RGL1: variants seen among roughly 807,000 people sequenced by gnomAD.
RGL1 encodes the protein ral guanine nucleotide dissociation stimulator like 1, also known as ral guanine nucleotide dissociation stimulator-like 1.
A neutral mutation model predicts 95.2 loss-of-function variants in RGL1; 24 were observed. That is an observed-to-expected ratio of 0.25 (90% CI 0.18 to 0.35). The LOEUF (loss-of-function observed/expected upper bound fraction) is 0.35, where lower values mean the gene tolerates loss of function less well. Among genes scored for constraint, RGL1 ranks in the 10% least tolerant of loss-of-function variants. The probability of loss-of-function intolerance (pLI) is 1.00; values close to 1 mark genes in which losing one functional copy is unlikely to be tolerated. For synonymous variants in RGL1, 329 were observed against 344.9 expected, an observed-to-expected ratio of 0.95 and a Z score of 0.51; for missense variants, 715 against 936.3, an observed-to-expected ratio of 0.76 and a Z score of 3.08.
At chr1:183,640,626 A>G (rs1161040230) in intron 1 of RGL1, among the ~76,000 whole-genome samples, 1 of 152,206 alleles carries the variant, frequency 6.6e-6, no homozygotes, top group Non-Finnish European at 1.5e-5. Context: ...AATGAAAGCT[A>G]TGGACTTTAA....
Position 183,847,669 on chromosome 1 carries a change from T to A in RGL1, c.242T>A (p.Leu81Gln). 1 of 1,614,152 alleles carries A rather than the reference T, an allele frequency of 6.2e-7. No homozygotes were observed. The highest frequency in any genetic ancestry group is 8.5e-7 in the Non-Finnish European group (1 of 1,179,972). Residue 81 changes from leucine to glutamine, a missense_variant, in exon 3 of 18, where the codon CTG (leucine) becomes CAG (glutamine). By Grantham distance (113) the Leu-to-Gln change is moderately radical. Transcript: ENST00000360851. The stretch of plus-strand genomic sequence containing the variant: ...ACCTTGGAGAAGCTTGTGGAGAACC[T>A]GCTGACAGCTTTTGGGGACAATGAC... ...AGTLEKLVEN[L>Q]LTAFGDNDFT...
chr1:183,765,415 C>T (rs756319818), intron 2 of RGL1, among the ~76,000 whole-genome samples: 3 of 152,094 alleles, frequency 2.0e-5, no homozygotes, highest in Non-Finnish European at 2.9e-5. Flanking sequence ...TGCCTCATTT[C>T]TGTATACTCA....
At chr1:183,760,123 C>T (rs968002922) in intron 2 of RGL1, among the ~76,000 whole-genome samples, 10 of 152,072 alleles carry the variant, frequency 6.6e-5, no homozygotes, top group Non-Finnish European at 1.3e-4. Flanking sequence ...ATACTGTAGG[C>T]TATTAAGTGT....
chr1:183,792,007 T>C (rs1660462378), intron 2 of RGL1, among the ~76,000 whole-genome samples: 3 of 152,170 alleles, frequency 2.0e-5, no homozygotes, highest in Admixed American at 2.0e-4. Context: ...TTTTTAATCT[T>C]TATCTCTCCT....
At chr1:183,652,132 G>A (rs1572225681) in intron 1 of RGL1, among the ~76,000 whole-genome samples, 1 of 152,310 alleles carries the variant, frequency 6.6e-6, no homozygotes, top group East Asian at 1.9e-4. Context: ...AAGGTGATGT[G>A]TATGTGGAGT....
chr1:183,817,765 G>T (rs932996536), intron 2 of RGL1, among the ~76,000 whole-genome samples: 1 of 152,190 alleles, frequency 6.6e-6, no homozygotes, highest in Non-Finnish European at 1.5e-5. Flanking sequence ...ACTGTGTGTG[G>T]TGGTAGAGGA....
chr1:183,775,749 C>T (rs1338020813), intron 2 of RGL1, among the ~76,000 whole-genome samples: 1 of 152,138 alleles, frequency 6.6e-6, no homozygotes, highest in Non-Finnish European at 1.5e-5. Flanking sequence ...TGGCATATAG[C>T]AAGGACTTGA....
At chr1:183,678,196 T>A (rs536263586) in intron 1 of RGL1, among the ~76,000 whole-genome samples, 1 of 152,296 alleles carries the variant, frequency 6.6e-6, no homozygotes, top group East Asian at 1.9e-4. Context: ...AAAGAATATG[T>A]GCACCTGTGT....
chr1:183,809,652 G>T (rs966821493), intron 2 of RGL1, among the ~76,000 whole-genome samples: 7 of 152,150 alleles, frequency 4.6e-5, no homozygotes, highest in African/African-American at 1.7e-4. Flanking sequence ...AGACATTAAA[G>T]AGCAATTCCG....
At chr1:183,818,770 A>G (rs1662256085) in intron 2 of RGL1, among the ~76,000 whole-genome samples, 1 of 152,114 alleles carries the variant, frequency 6.6e-6, no homozygotes, top group Non-Finnish European at 1.5e-5. Flanking sequence ...ATCTTTAGTG[A>G]CTTTTTTTTG....
chr1:183,777,625 G>A (rs1002443006), intron 2 of RGL1, among the ~76,000 whole-genome samples: 3 of 152,208 alleles, frequency 2.0e-5, no homozygotes, highest in African/African-American at 7.2e-5. Flanking sequence ...GGAGCTCATA[G>A]GAAAACTGAT....
intron 2 of RGL1, among the ~76,000 whole-genome samples, chr1:183,791,252 ATAT>A (rs1261224157): frequency 2.6e-5 from 4 of 152,298 alleles, no homozygotes; most frequent in South Asian, 2.1e-4. Context: ...AACATATGAG[ATAT>A]TATCTGATTT....
At chr1:183,815,828 G>A (rs1662047192) in intron 2 of RGL1, among the ~76,000 whole-genome samples, 1 of 152,152 alleles carries the variant, frequency 6.6e-6, no homozygotes, top group South Asian at 2.1e-4. Flanking sequence ...TCAACTCACT[G>A]AGTGGTGGGG....
chr1:183,915,866 T>G (rs913889988), intron 15 of RGL1, among the ~76,000 whole-genome samples: 1 of 152,214 alleles, frequency 6.6e-6, no homozygotes. Context: ...TGCTGTCAAC[T>G]AGCTGTGTGG....
In RGL1 at chr1:183,643,760, A is replaced by T. The variant is rs1049121864; in HGVS notation, c.-33+7259A>T. On this transcript the variant is annotated intron_variant, in intron 1 of 18. Coordinates refer to the RGL1 transcript ENST00000304685. ...ACCACCGTGCTTGGCCAAGATCTTG[A>T]TTTTATACCCAGAAGTGGAATTGCC... 3.9e-5 allele frequency among the ~76,000 whole-genome samples: 6 copies of T among 152,210 alleles called. No homozygotes were observed. In the East Asian group the frequency reaches 9.7e-4, roughly 24 times the overall value.
Position 183,654,876 on chromosome 1 carries a change from T to A in RGL1, c.-33+18375T>A, listed in dbSNP as rs1337359440. The stretch of plus-strand genomic sequence containing the variant: ...TTAGATGTAGGAAGACTCCAAGGAA[T>A]GTTAAGTTGGCAACATTCCATTTAG... On this transcript the variant is annotated intron_variant, in intron 1 of 18. Coordinates refer to the RGL1 transcript ENST00000304685. Among the ~76,000 whole-genome samples, 34 of 152,246 alleles carry A rather than the reference T, an allele frequency of 2.2e-4. 1 individual carries two copies. The highest frequency in any genetic ancestry group is 2.2e-3 in the Admixed American group (33 of 15,288).
At chr1:183,844,114 C>T (rs1217848222) in intron 2 of RGL1, among the ~76,000 whole-genome samples, 2 of 152,212 alleles carry the variant, frequency 1.3e-5, no homozygotes, top group African/African-American at 4.8e-5. Context: ...GCGTGAGCCA[C>T]CGCTCCCATC....
intron 12 of RGL1, among the ~76,000 whole-genome samples, chr1:183,904,557 C>T (rs957386284): frequency 2.6e-5 from 4 of 152,042 alleles, no homozygotes; most frequent in East Asian, 1.9e-4. Flanking sequence ...TGTAACTTAA[C>T]GTAGTGACTA....
At chr1:183,680,701 C>A (rs1653154289) in intron 1 of RGL1, among the ~76,000 whole-genome samples, 1 of 152,018 alleles carries the variant, frequency 6.6e-6, no homozygotes, top group African/African-American at 2.4e-5. Flanking sequence ...TAGTTTTTTT[C>A]TGATTCTGTG....
Sources: gnomAD v4.1 joint callset for allele counts (sites outside exome capture counted in the v4.1 genomes callset) on GRCh38, gnomAD v4.1.1 for gene constraint, MANE v1.5 for transcripts, NCBI Gene and HGNC (gene_info 2026-07-23, HGNC 2026-07-21) for gene names.